TMTC2: variants seen among roughly 807,000 people sequenced by gnomAD.
TMTC2 encodes the protein transmembrane O-mannosyltransferase targeting cadherins 2.
TMTC2 carries 43 observed loss-of-function variants against 82.4 expected under a neutral mutation model. The ratio of observed to expected loss-of-function variants is 0.52; its 90% CI spans 0.41 to 0.67. The LOEUF (loss-of-function observed/expected upper bound fraction) is 0.67, where lower values mean the gene tolerates loss of function less well. TMTC2 is among the 30% of genes least tolerant of loss of function. TMTC2 has a pLI of 0.00. For missense variants in TMTC2, 919 were observed against 1,012.4 expected, an observed-to-expected ratio of 0.91 and a Z score of 1.25; for synonymous variants, 408 against 381.9, an observed-to-expected ratio of 1.07 and a Z score of -0.80.
At chr12:82,956,031 C>T (rs539745122) in intron 4 of TMTC2, among the ~76,000 whole-genome samples, 5 of 152,018 alleles carry the variant, frequency 3.3e-5, no homozygotes, top group Admixed American at 3.3e-4. Context: ...GGACTTACTG[C>T]CACATTAAAA....
chr12:83,123,917 G>A (rs1292768325), intron 11 of TMTC2, among the ~76,000 whole-genome samples: 1 of 152,124 alleles, frequency 6.6e-6, no homozygotes, highest in Admixed American at 6.5e-5. Flanking sequence ...CCACAGCTCA[G>A]TCTTAGTATC....
At chr12:83,032,257 T>TATATATATATA (rs1881460375) in intron 9 of TMTC2, among the ~76,000 whole-genome samples, 1 of 130,858 alleles carries the variant, frequency 7.6e-6, no homozygotes, top group Non-Finnish European at 1.6e-5. Flanking sequence ...AGAGAATATT[T>TATATATATATA]TATATATATA....
intron 8 of TMTC2, among the ~76,000 whole-genome samples, chr12:83,005,386 C>G (rs1227201832): frequency 6.6e-6 from 1 of 151,672 alleles, no homozygotes; most frequent in African/African-American, 2.4e-5. Context: ...AGCCTAGCAC[C>G]TCTTTTGTGA....
intron 1 of TMTC2, among the ~76,000 whole-genome samples, chr12:82,787,186 T>A (rs1414289024): frequency 6.6e-6 from 1 of 152,152 alleles, no homozygotes; most frequent in Non-Finnish European, 1.5e-5. Flanking sequence ...TCATTTTCTA[T>A]CTTTCATGTT....
chr12:82,708,295 C>T (rs1873464696), intron 1 of TMTC2, among the ~76,000 whole-genome samples: 1 of 152,140 alleles, frequency 6.6e-6, no homozygotes, highest in Non-Finnish European at 1.5e-5. Context: ...CAGGGGTTCT[C>T]CGACCACAGT....
intron 11 of TMTC2, among the ~76,000 whole-genome samples, chr12:83,065,278 T>G (rs1305896773): frequency 6.6e-6 from 1 of 151,968 alleles, no homozygotes; most frequent in Non-Finnish European, 1.5e-5. Flanking sequence ...AAAGCCATAT[T>G]TTCCACATAA....
chr12:82,834,645 A>G (rs1285098695), intron 1 of TMTC2, among the ~76,000 whole-genome samples: 2 of 152,182 alleles, frequency 1.3e-5, no homozygotes, highest in Non-Finnish European at 2.9e-5. Flanking sequence ...TCCTTCAGTA[A>G]TTCTCAAAAT....
chr12:83,091,382 C>G (rs1359646368), intron 11 of TMTC2, among the ~76,000 whole-genome samples: 1 of 152,058 alleles, frequency 6.6e-6, no homozygotes, highest in Non-Finnish European at 1.5e-5. Context: ...TGCATATTTC[C>G]TTACATATTT....
chr12:83,016,512 A>G (rs1298835549), intron 8 of TMTC2, among the ~76,000 whole-genome samples: 1 of 152,114 alleles, frequency 6.6e-6, no homozygotes, highest in East Asian at 1.9e-4. Context: ...ATAAGGGCCT[A>G]CCTCTGGAGT....
chr12:82,902,272 A>G (rs565896140), intron 3 of TMTC2, among the ~76,000 whole-genome samples: 3 of 152,246 alleles, frequency 2.0e-5, no homozygotes, highest in Admixed American at 2.0e-4. Context: ...TAAGACTGCC[A>G]CCCTCAGGAG....
chr12:83,122,254 A>G (rs1048327806), intron 11 of TMTC2, among the ~76,000 whole-genome samples: 2 of 151,534 alleles, frequency 1.3e-5, no homozygotes, highest in Non-Finnish European at 2.9e-5. Flanking sequence ...CCTCCCAGCT[A>G]TGAAAGCAAG....
intron 2 of TMTC2, among the ~76,000 whole-genome samples, chr12:82,879,234 G>A (rs539953496): frequency 6.6e-6 from 1 of 152,298 alleles, no homozygotes; most frequent in Admixed American, 6.5e-5. Context: ...TGGACTTGGT[G>A]GGTATGAAGT....
chr12:83,032,102 T>C (rs1478853763), intron 9 of TMTC2, among the ~76,000 whole-genome samples: 1 of 151,926 alleles, frequency 6.6e-6, no homozygotes, highest in East Asian at 1.9e-4. Flanking sequence ...TCCATGGTGA[T>C]TTTCCCTGAG....
At chr12:82,864,365 T>G (rs1592584478) in intron 2 of TMTC2, among the ~76,000 whole-genome samples, 1 of 150,450 alleles carries the variant, frequency 6.6e-6, no homozygotes, top group African/African-American at 2.5e-5. Flanking sequence ...GAGTCGGGGG[T>G]GAGGGGAGGG....
intron 4 of TMTC2, among the ~76,000 whole-genome samples, chr12:82,951,662 C>T (rs184793689): frequency 8.0e-4 from 122 of 152,216 alleles, no homozygotes; most frequent in South Asian, 5.0e-3. Flanking sequence ...TTTAATTTTG[C>T]TCACAGTACA....
intron 4 of TMTC2, among the ~76,000 whole-genome samples, chr12:82,937,758 A>ATG (rs1565818235): frequency 6.7e-4 from 13 of 19,372 alleles, no homozygotes; most frequent in African/African-American, 2.9e-3. Flanking sequence ...GTGTATATAT[A>ATG]TATATATATA....
intron 4 of TMTC2, among the ~76,000 whole-genome samples, chr12:82,954,173 A>G (rs1877491372): frequency 6.6e-6 from 1 of 152,036 alleles, no homozygotes; most frequent in African/African-American, 2.4e-5. Context: ...TATTATTGCT[A>G]TTGTTAGGTG....
chr12:82,989,257 G>A (rs1879301548), intron 8 of TMTC2, among the ~76,000 whole-genome samples: 1 of 151,878 alleles, frequency 6.6e-6, no homozygotes, highest in Non-Finnish European at 1.5e-5. Context: ...AATTATGAAA[G>A]AAATCAATAT....
intron 3 of TMTC2, among the ~76,000 whole-genome samples, chr12:82,910,877 C>CTTT (rs149998904): frequency 3.5e-5 from 5 of 141,654 alleles, no homozygotes; most frequent in African/African-American, 1.3e-4. Flanking sequence ...TTGTTTTTTT[C>CTTT]TTTTTTTTTT....
Sources: allele counts gnomAD v4.1 joint callset (sites outside exome capture counted in the v4.1 genomes callset), GRCh38; gene constraint gnomAD v4.1.1; transcripts MANE v1.5; gene names NCBI Gene and HGNC (gene_info 2026-07-23, HGNC 2026-07-21).